The following CSMD1 variants were observed in gnomAD, a reference collection of about 807,000 sequenced individuals.
CSMD1 encodes CUB and sushi domain-containing protein 1.
CSMD1 carries 213 observed loss-of-function variants against 417.5 expected under a neutral mutation model. The ratio of observed to expected loss-of-function variants is 0.51; its 90% CI spans 0.46 to 0.57. The LOEUF (loss-of-function observed/expected upper bound fraction) is 0.57. Ranked by LOEUF, CSMD1 falls within the 20% of genes least tolerant of loss-of-function variation. The probability of loss-of-function intolerance (pLI) is 0.00; values close to 1 mark genes in which losing one functional copy is unlikely to be tolerated. For missense variants in CSMD1, 6,923 were observed against 4,529.7 expected (o/e 1.53, Z -15.17); for synonymous variants, 2,862 against 1,736.8 (o/e 1.65, Z -16.11).
At chr8:4,054,508 C>T (rs1798592791) in intron 3 of CSMD1, among the ~76,000 whole-genome samples, 1 of 152,106 alleles carries the variant, frequency 6.6e-6, no homozygotes, top group Admixed American at 6.6e-5. Context: ...TCGGTTTCGT[C>T]TACACCCTAC....
At chr8:3,961,835 C>G (rs1585039644) in intron 5 of CSMD1, among the ~76,000 whole-genome samples, 1 of 152,136 alleles carries the variant, frequency 6.6e-6, no homozygotes, top group South Asian at 2.1e-4. Flanking sequence ...ATAAATAAGG[C>G]AGCATCATGA....
chr8:4,104,039 C>T lies in CSMD1; in HGVS notation c.416-71940G>A, dbSNP rs143536697. ...GGCCTGTCCCTGCCCCAGCCTGGCC[C>T]TTCTGGGCATTACTCAAGTACTACA... On this transcript the variant is annotated intron_variant, in intron 3 of 69. Transcript: ENST00000635120. Among the ~76,000 whole-genome samples, 47 of 152,342 alleles carry T rather than the reference C, an allele frequency of 3.1e-4. 2 individuals are homozygous for T. In the East Asian group the frequency reaches 5.4e-3, roughly 18 times the overall value.
At chr8:3,864,220 C>T (rs974139216) in intron 5 of CSMD1, among the ~76,000 whole-genome samples, 3 of 152,184 alleles carry the variant, frequency 2.0e-5, no homozygotes, top group East Asian at 1.9e-4. Flanking sequence ...ATACTCCTTG[C>T]TCATACAAAC....
At chr8:3,781,559 G>A (rs946267903) in intron 5 of CSMD1, among the ~76,000 whole-genome samples, 7 of 152,196 alleles carry the variant, frequency 4.6e-5, no homozygotes, top group East Asian at 3.9e-4. Context: ...ACTGCTACTC[G>A]CTTTTGAAAA....
intron 54 of CSMD1, among the ~76,000 whole-genome samples, chr8:2,985,441 G>GC (rs1181873742): frequency 1.9e-4 from 29 of 151,900 alleles, no homozygotes; most frequent in African/African-American, 6.5e-4. Context: ...CTGCTACACT[G>GC]TTTCACCACG....
chr8:3,517,668 A>G (rs946883725), intron 10 of CSMD1, among the ~76,000 whole-genome samples: 4 of 152,188 alleles, frequency 2.6e-5, no homozygotes, highest in African/African-American at 9.6e-5. Context: ...GGTCTAGCTA[A>G]CACAATTTTT....
Position 3,943,008 on chromosome 8 carries a change from T to C in CSMD1, c.818+54895A>G, listed in dbSNP as rs186330036. ...CGTTACTAAGGGGAGGTCTAAATTA[T>C]TAAGTTTTATTTTGTTACTCAGGAA... On this transcript the variant is annotated intron_variant, in intron 5 of 69. Transcript: ENST00000635120. Among the ~76,000 whole-genome samples the C allele has an allele frequency of 6.5e-3, 997 of 152,252 alleles. 13 individuals carry two copies. The highest frequency in any genetic ancestry group is 0.023 in the African/African-American group (954 of 41,550).
intron 2 of CSMD1, among the ~76,000 whole-genome samples, chr8:4,532,824 G>A (rs528202318): frequency 1.7e-5 from 2 of 117,134 alleles, no homozygotes; most frequent in South Asian, 3.1e-4. Flanking sequence ...TCCTGCACCC[G>A]CATTCAGTCA....
At chr8:4,322,641 C>G (rs927223642) in intron 3 of CSMD1, among the ~76,000 whole-genome samples, 2 of 152,124 alleles carry the variant, frequency 1.3e-5, no homozygotes, top group Admixed American at 1.3e-4. Context: ...TGAGAAAAAT[C>G]TAAGAATAAT....
At chr8:3,785,465 C>T (rs1441477288) in intron 5 of CSMD1, among the ~76,000 whole-genome samples, 1 of 152,194 alleles carries the variant, frequency 6.6e-6, no homozygotes, top group Non-Finnish European at 1.5e-5. Context: ...GGGCCATGCC[C>T]TCCTAAGGCT....
chr8:3,019,277 T>A (rs1809147017), intron 51 of CSMD1, among the ~76,000 whole-genome samples: 2 of 152,078 alleles, frequency 1.3e-5, no homozygotes, highest in South Asian at 4.1e-4. Context: ...CTTGAAAAAA[T>A]ACACAGTATA....
At chr8:3,480,113 C>A (rs13439039) in intron 11 of CSMD1, among the ~76,000 whole-genome samples, 10,934 of 152,080 alleles carry the variant, frequency 0.072, 421 homozygotes, top group African/African-American at 0.089. Context: ...AATCTCAGCA[C>A]TTTGGGAGGC....
chr8:4,009,059 G>A (rs144536382), intron 4 of CSMD1, among the ~76,000 whole-genome samples: 3,917 of 152,154 alleles, frequency 0.026, 65 homozygotes, highest in Non-Finnish European at 0.036. Context: ...CCTTTATTGA[G>A]TTATCATAAA....
intron 1 of CSMD1, among the ~76,000 whole-genome samples, chr8:4,905,764 G>A (rs1228096496): frequency 7.0e-6 from 1 of 143,638 alleles, no homozygotes; most frequent in Non-Finnish European, 1.5e-5. Flanking sequence ...AGCTTGCAGT[G>A]AGCCGAGATT....
intron 3 of CSMD1, among the ~76,000 whole-genome samples, chr8:4,285,449 T>C (rs936192720): frequency 6.6e-6 from 1 of 152,180 alleles, no homozygotes; most frequent in Non-Finnish European, 1.5e-5. Flanking sequence ...AGGGTATTAG[T>C]TCAGAATTAT....
At chr8:3,486,425 A>C (rs1186304904) in intron 11 of CSMD1, among the ~76,000 whole-genome samples, 2 of 152,232 alleles carry the variant, frequency 1.3e-5, no homozygotes, top group African/African-American at 2.4e-5. Flanking sequence ...TGTTTATTTG[A>C]GATGAAAAAC....
At chr8:4,899,691 G>A (rs117130353) in intron 1 of CSMD1, among the ~76,000 whole-genome samples, 42 of 152,264 alleles carry the variant, frequency 2.8e-4, no homozygotes, top group Admixed American at 1.6e-3. Flanking sequence ...TCATTAAAAT[G>A]TGTATAGTTA....
chr8:4,312,681 A>C (rs1333081068), intron 3 of CSMD1, among the ~76,000 whole-genome samples: 2 of 151,900 alleles, frequency 1.3e-5, no homozygotes, highest in Non-Finnish European at 2.9e-5. Flanking sequence ...GTTTGAGACC[A>C]GCCTGGCCAA....
At chr8:3,977,095 T>C (rs966346925) in intron 5 of CSMD1, among the ~76,000 whole-genome samples, 14 of 152,192 alleles carry the variant, frequency 9.2e-5, no homozygotes, top group Non-Finnish European at 5.9e-5. Context: ...TTCTTTCCTT[T>C]CATCTTAATT....
Sources: allele counts gnomAD v4.1 joint callset (sites outside exome capture counted in the v4.1 genomes callset), GRCh38; gene constraint gnomAD v4.1.1; transcripts MANE v1.5; gene names NCBI Gene and HGNC (gene_info 2026-07-23, HGNC 2026-07-21).